Variants in DRC11 observed in about 807,000 individuals in gnomAD.
DRC11 encodes dynein regulatory complex subunit 11.
the DRC11 span, among the ~76,000 whole-genome samples, chr2:236,387,838 G>C: frequency 6.6e-6 from 1 of 152,094 alleles, no homozygotes; most frequent in East Asian, 1.9e-4. Flanking sequence ...TCCTTCAGGA[G>C]CTCTTGTAAG....
chr2:236,346,025 G>A, the DRC11 span, among the ~76,000 whole-genome samples: 2 of 152,192 alleles, frequency 1.3e-5, no homozygotes, highest in Non-Finnish European at 2.9e-5. Context: ...GGATCCTTGC[G>A]CTGGCCCAAC....
chr2:236,315,584 C>G, the DRC11 span, among the ~76,000 whole-genome samples: 1 of 152,138 alleles, frequency 6.6e-6, no homozygotes, highest in Non-Finnish European at 1.5e-5. The surrounding 1 kb of genome is among the most constrained non-coding windows in gnomAD (Gnocchi z 5.1). Flanking sequence ...TTCACAATAG[C>G]AAAGACATGG....
chr2:236,496,588 G>A, the DRC11 span, among the ~76,000 whole-genome samples: 1 of 152,162 alleles, frequency 6.6e-6, no homozygotes, highest in Non-Finnish European at 1.5e-5. The surrounding 1 kb of genome is among the most constrained non-coding windows in gnomAD (Gnocchi z 6.3). Flanking sequence ...CCAGGCGCCA[G>A]CAGCAAGGGC....
the DRC11 span, chr2:236,408,156 A>G: frequency 1.0e-5 from 7 of 700,086 alleles, no homozygotes; most frequent in Non-Finnish European, 1.9e-5. This position sits in a 1 kb window ranked among gnomAD's most constrained non-coding sequence, Gnocchi z 5.5. Flanking sequence ...GGTCATGGTC[A>G]GTGGAGGCAT....
At chr2:236,468,014 C>G in the DRC11 span, among the ~76,000 whole-genome samples, 1 of 152,190 alleles carries the variant, frequency 6.6e-6, no homozygotes, top group African/African-American at 2.4e-5. Flanking sequence ...AAGGAAACCA[C>G]ATATATCATA....
At chr2:236,392,464 GC>G in the DRC11 span, 1 of 576,240 alleles carries the variant, frequency 1.7e-6, no homozygotes, top group African/African-American at 1.9e-5. This position sits in a 1 kb window ranked among gnomAD's most constrained non-coding sequence, Gnocchi z 5.1. Context: ...ATAAACATAA[GC>G]CTAACTTTAT....
chr2:236,331,337 G>T, the DRC11 span: 1 of 1,519,464 alleles, frequency 6.6e-7, no homozygotes, highest in Non-Finnish European at 9.1e-7. The surrounding 1 kb of genome is among the most constrained non-coding windows in gnomAD (Gnocchi z 4.8). Flanking sequence ...GCTAAGACTT[G>T]GTCATCAGGG....
chr2:236,313,098 TATA>T, the DRC11 span, among the ~76,000 whole-genome samples: 1 of 152,136 alleles, frequency 6.6e-6, no homozygotes, highest in African/African-American at 2.4e-5. This position sits in a 1 kb window ranked among gnomAD's most constrained non-coding sequence, Gnocchi z 4.5. Context: ...TTTAAGAGAA[TATA>T]ATACTAGTCT....
chr2:236,356,490 TG>T, the DRC11 span, among the ~76,000 whole-genome samples: 1 of 152,196 alleles, frequency 6.6e-6, no homozygotes, highest in Non-Finnish European at 1.5e-5. Flanking sequence ...AGAGGCCAGC[TG>T]GGGGGCCACG....
the DRC11 span, among the ~76,000 whole-genome samples, chr2:236,386,798 T>G: frequency 6.6e-6 from 1 of 150,500 alleles, no homozygotes; most frequent in South Asian, 2.2e-4. Context: ...TTGTGGGCAC[T>G]TAGTGCTATA....
the DRC11 span, among the ~76,000 whole-genome samples, chr2:236,402,693 G>A: frequency 1.3e-5 from 2 of 152,140 alleles, no homozygotes; most frequent in African/African-American, 4.8e-5. The surrounding 1 kb of genome is among the most constrained non-coding windows in gnomAD (Gnocchi z 6.0). Flanking sequence ...CTTCCAGAGC[G>A]CACACTAAAT....
At chr2:236,412,530 G>A in the DRC11 span, 1 of 152,214 alleles carries the variant, frequency 6.6e-6, no homozygotes, top group Non-Finnish European at 1.5e-5. Context: ...TCCAGCTGTT[G>A]AACCATAGAC....
chr2:236,387,623 C>T, the DRC11 span, among the ~76,000 whole-genome samples: 1 of 151,834 alleles, frequency 6.6e-6, no homozygotes, highest in Non-Finnish European at 1.5e-5. Flanking sequence ...TCCAATTTGC[C>T]AGTCTGTGTC....
At chr2:236,343,824 G>GCAAT in the DRC11 span, 1 of 1,031,284 alleles carries the variant, frequency 9.7e-7, no homozygotes, top group East Asian at 6.0e-5. This position sits in a 1 kb window ranked among gnomAD's most constrained non-coding sequence, Gnocchi z 6.6. Context: ...AAATGACAGG[G>GCAAT]CAATCAAGGC....
At chr2:236,490,240 T>C in the DRC11 span, among the ~76,000 whole-genome samples, 1 of 152,222 alleles carries the variant, frequency 6.6e-6, no homozygotes, top group Non-Finnish European at 1.5e-5. The surrounding 1 kb of genome is among the most constrained non-coding windows in gnomAD (Gnocchi z 5.5). Context: ...AGGCTGGTGT[T>C]ACTGTGACCA....
At chr2:236,438,735 A>T in the DRC11 span, among the ~76,000 whole-genome samples, 1 of 152,076 alleles carries the variant, frequency 6.6e-6, no homozygotes, top group Admixed American at 6.6e-5. Flanking sequence ...ACATCTACAG[A>T]ACTCTCCACC....
At chr2:236,353,337 T>C in the DRC11 span, among the ~76,000 whole-genome samples, 1 of 152,244 alleles carries the variant, frequency 6.6e-6, no homozygotes, top group African/African-American at 2.4e-5. This position sits in a 1 kb window ranked among gnomAD's most constrained non-coding sequence, Gnocchi z 5.0. Context: ...TTTCAAATTC[T>C]AGGAAGTTCT....
At chr2:236,479,891 C>T in the DRC11 span, among the ~76,000 whole-genome samples, 1 of 152,030 alleles carries the variant, frequency 6.6e-6, no homozygotes, top group African/African-American at 2.4e-5. The surrounding 1 kb of genome is among the most constrained non-coding windows in gnomAD (Gnocchi z 4.1). Flanking sequence ...TGAAGAACTC[C>T]CTTTAGCATT....
chr2:236,347,674 G>C, the DRC11 span, among the ~76,000 whole-genome samples: 1 of 151,886 alleles, frequency 6.6e-6, no homozygotes, highest in African/African-American at 2.4e-5. Flanking sequence ...GAAGGCATAA[G>C]AATGATACAA....
Sources: allele counts gnomAD v4.1 joint callset (sites outside exome capture counted in the v4.1 genomes callset), GRCh38; gene constraint gnomAD v4.1.1; non-coding constraint Gnocchi (gnomAD v3.1); transcripts MANE v1.5; gene names NCBI Gene and HGNC (gene_info 2026-07-23, HGNC 2026-07-21).